SKI: variants seen among roughly 807,000 people sequenced by gnomAD.
SKI encodes the protein SKI proto-oncogene.
SKI carries 23 observed loss-of-function variants against 59.3 expected under a neutral mutation model. That is an observed-to-expected ratio of 0.39 (90% CI 0.28 to 0.55). The LOEUF is 0.55. Ranked by LOEUF, SKI falls within the 20% of genes least tolerant of loss-of-function variation. The pLI, the probability that SKI is intolerant of heterozygous loss-of-function variation, is 0.67. For missense variants in SKI, 1,017 were observed against 1,038.9 expected, an observed-to-expected ratio of 0.98 and a Z score of 0.29; for synonymous variants, 673 against 488.6, an observed-to-expected ratio of 1.38 and a Z score of -4.98.
At chr1:2,236,195 A>G (rs1020223616) in intron 1 of SKI, among the ~76,000 whole-genome samples, 1 of 151,950 alleles carries the variant, frequency 6.6e-6, no homozygotes, top group Non-Finnish European at 1.5e-5. Flanking sequence ...TGCTTGTCTC[A>G]CTGGCCGTGG....
At chr1:2,261,958 G>A (rs1353307844) in intron 1 of SKI, among the ~76,000 whole-genome samples, 1 of 139,346 alleles carries the variant, frequency 7.2e-6, no homozygotes, top group Admixed American at 7.2e-5. Context: ...CTGATCTCCT[G>A]ATCTCCTGGT....
intron 1 of SKI, among the ~76,000 whole-genome samples, chr1:2,282,979 CG>C (rs1639942996): frequency 6.6e-6 from 1 of 152,310 alleles, no homozygotes; most frequent in East Asian, 1.9e-4. Context: ...CTTCCCTTGC[CG>C]GTGCTGGGAG....
At chr1:2,252,550 C>G (rs1639187456) in intron 1 of SKI, among the ~76,000 whole-genome samples, 1 of 152,228 alleles carries the variant, frequency 6.6e-6, no homozygotes, top group African/African-American at 2.4e-5. Context: ...TCGAGAGAAA[C>G]CTGGCGGCCC....
rs537515063 is a variant in SKI at position 2,304,213 on chromosome 1, C to T, written c.1475-80C>T. 6 of 1,560,932 alleles carry T rather than the reference C, an allele frequency of 3.8e-6. No homozygotes were observed. The African/African-American group carries it at 5.4e-5, about 14-fold the overall frequency. Reference sequence around the variant, plus strand: ...TGGTGGCCCCATGTTTCGCAGGTTCCTCCGGGAGCGGCGCGTCTCCCTGGT... The same window carrying T: ...TGGTGGCCCCATGTTTCGCAGGTTCTTCCGGGAGCGGCGCGTCTCCCTGGT... On this transcript the variant is annotated intron_variant, in intron 4 of 6. Transcript: ENST00000378536.
chr1:2,299,363 C>T (rs1256683694), intron 1 of SKI, among the ~76,000 whole-genome samples: 11 of 152,148 alleles, frequency 7.2e-5, no homozygotes, highest in Admixed American at 3.3e-4. Flanking sequence ...GCCCAGCTGA[C>T]GACCCGGGCT....
Position 2,267,681 on chromosome 1 carries a change from A to G in SKI, c.970-35297A>G, listed in dbSNP as rs1569767212. Among the ~76,000 whole-genome samples, 1 of 151,986 alleles carries G rather than the reference A, an allele frequency of 6.6e-6. No individual in the cohort carries two copies. Among genetic ancestry groups the G allele is most frequent in the Non-Finnish European group, 1.5e-5 (1 of 67,974 alleles). On this transcript the variant is annotated intron_variant, in intron 1 of 6. Coordinates refer to ENST00000378536, the MANE Select transcript of SKI (RefSeq NM_003036.4). This position sits in a 1 kb window ranked among gnomAD's most constrained non-coding sequence, Gnocchi z 4.1. ...GTTGTGGGGGCGGGGGGCGCACCAC[A>G]CTTCAGGGATGCAGCCGGCCTTTGG...
Position 2,294,361 on chromosome 1 carries a change from C to T in SKI, c.970-8617C>T, listed in dbSNP as rs553314536. ...AAATTGGCACTCAGTGACCATCAGG[C>T]TGGCTGTGTGTGGCTGCTCTCCTCA... On this transcript the variant is annotated intron_variant, in intron 1 of 6. Transcript: ENST00000378536. 2.0e-5 allele frequency among the ~76,000 whole-genome samples: 3 copies of T among 152,382 alleles called. No individual in the cohort carries two copies. The South Asian group carries it at 6.2e-4, about 32-fold the overall frequency.
At chr1:2,244,927 G>C (rs1429398516) in intron 1 of SKI, among the ~76,000 whole-genome samples, 1 of 152,188 alleles carries the variant, frequency 6.6e-6, no homozygotes, top group Non-Finnish European at 1.5e-5. Flanking sequence ...ACTAGAAACA[G>C]AAAAGTAGTT....
In SKI at chr1:2,308,268, G is replaced by A. The variant is rs2100930647; in HGVS notation, c.*1503G>A. The A allele has an allele frequency of 6.6e-6, 1 of 152,304 alleles. No homozygotes were observed. The highest frequency in any genetic ancestry group is 2.1e-4 in the South Asian group (1 of 4,830). The allele number at this position is 152,304 out of a possible 1,614,324, so 9.4% of individuals were successfully genotyped here. A position where few individuals can be genotyped will look rare whatever the true frequency, so the allele number is the denominator to read the frequency against. On this transcript the variant is annotated 3_prime_UTR_variant, in exon 7 of 7. Coordinates refer to ENST00000378536, the MANE Select transcript of SKI (RefSeq NM_003036.4). ...TTGCCCAGGTACAGACGACCTCGGG[G>A]CAGTGACGAGCAAAGACCAGAGACT...
At chr1:2,284,233 C>T (rs192145014) in intron 1 of SKI, among the ~76,000 whole-genome samples, 2 of 152,248 alleles carry the variant, frequency 1.3e-5, no homozygotes, top group Non-Finnish European at 2.9e-5. Context: ...CCGGGGCTCC[C>T]TCAGGTTGCT....
At chr1:2,240,460 C>CA (rs1638845872) in intron 1 of SKI, 1 of 984,242 alleles carries the variant, frequency 1.0e-6, no homozygotes, top group Non-Finnish European at 1.2e-6. Context: ...CATGCTGTCA[C>CA]AATGTTGCCT....
intron 1 of SKI, among the ~76,000 whole-genome samples, chr1:2,256,694 C>T (rs547685291): frequency 3.3e-5 from 5 of 152,366 alleles, no homozygotes; most frequent in African/African-American, 9.6e-5. Flanking sequence ...GTCGGCGCTC[C>T]TCAGCGTCTT....
At chr1:2,272,555 G>A (rs556207236) in intron 1 of SKI, among the ~76,000 whole-genome samples, 393 of 152,326 alleles carry the variant, frequency 2.6e-3, no homozygotes, top group Middle Eastern at 6.8e-3. Context: ...GCCAAGGCTC[G>A]GGGAAGCCCT....
chr1:2,244,025 G>A (rs544576250), intron 1 of SKI, among the ~76,000 whole-genome samples: 136 of 152,114 alleles, frequency 8.9e-4, no homozygotes, highest in African/African-American at 3.2e-3. Context: ...GAGTGCAATG[G>A]CATGATCTCG....
chr1:2,245,078 ACACT>A (rs1638963463), intron 1 of SKI, among the ~76,000 whole-genome samples: 1 of 151,990 alleles, frequency 6.6e-6, no homozygotes, highest in Admixed American at 6.6e-5. Context: ...TCCCCATGAG[ACACT>A]CACTCCCCAT....
intron 1 of SKI, among the ~76,000 whole-genome samples, chr1:2,293,738 G>C (rs1231699128): frequency 1.3e-5 from 2 of 152,212 alleles, no homozygotes; most frequent in African/African-American, 4.8e-5. Flanking sequence ...AAGGCCCCTG[G>C]GTCTGGTGGC....
intron 1 of SKI, among the ~76,000 whole-genome samples, chr1:2,252,315 C>G (rs10910036): frequency 0.32 from 49,299 of 152,032 alleles, 8,724 homozygotes; most frequent in Admixed American, 0.44. Context: ...TGTGGCCTGG[C>G]TCGATTGAGA....
chr1:2,245,938 A>G (rs1218136155), intron 1 of SKI, among the ~76,000 whole-genome samples: 4 of 151,516 alleles, frequency 2.6e-5, no homozygotes, highest in South Asian at 4.2e-4. Flanking sequence ...CTGGGGCTAT[A>G]GGTGTGTGCC....
In SKI at chr1:2,269,672, G is replaced by T. The variant is rs1231192357; in HGVS notation, c.970-33306G>T. Among the ~76,000 whole-genome samples, 1 of 152,258 alleles carries T rather than the reference G, an allele frequency of 6.6e-6. No homozygotes were observed. Among genetic ancestry groups the T allele is most frequent in the East Asian group, 1.9e-4 (1 of 5,196 alleles). ...CCTCCTTCCTTCCTTGTTGGTTGCT[G>T]TTAAGCCAGCCTTGGGCACCAGGGA... On this transcript the variant is annotated intron_variant, in intron 1 of 6. Transcript: ENST00000378536. This position sits in a 1 kb window ranked among gnomAD's most constrained non-coding sequence, Gnocchi z 4.7.
Sources: gnomAD v4.1 joint callset for allele counts (sites outside exome capture counted in the v4.1 genomes callset) on GRCh38, gnomAD v4.1.1 for gene constraint, Gnocchi (gnomAD v3.1) non-coding constraint, MANE v1.5 for transcripts, NCBI Gene and HGNC (gene_info 2026-07-23, HGNC 2026-07-21) for gene names.